Variants in EPHA6 observed in about 807,000 individuals in gnomAD.
EPHA6 encodes EPH receptor A6.
EPHA6 carries 50 observed loss-of-function variants against 112.0 expected under a neutral mutation model. The observed-to-expected ratio is 0.45, with a 90% CI of 0.36 to 0.56. The LOEUF is 0.56. Ranked by LOEUF, EPHA6 falls within the 20% of genes least tolerant of loss-of-function variation. The probability of loss-of-function intolerance (pLI) is 0.00; values close to 1 mark genes in which losing one functional copy is unlikely to be tolerated. For missense variants in EPHA6, 1,280 were observed against 1,417.4 expected (o/e 0.90, Z 1.56); for synonymous variants, 529 against 490.7 (o/e 1.08, Z -1.03).
intron 6 of EPHA6, among the ~76,000 whole-genome samples, chr3:97,425,858 A>G (rs1321270346): frequency 1.3e-5 from 2 of 152,140 alleles, no homozygotes; most frequent in African/African-American, 4.8e-5. Flanking sequence ...TCAGAGCTCC[A>G]CAGATCTCTA....
intron 11 of EPHA6, chr3:97,569,956 C>T (rs2093315137): frequency 6.6e-6 from 1 of 152,156 alleles, no homozygotes; most frequent in African/African-American, 2.4e-5. Flanking sequence ...ATGTAAGTCA[C>T]CATAGTTCTT....
intron 2 of EPHA6, among the ~76,000 whole-genome samples, chr3:96,936,036 AG>A (rs2040564462): frequency 6.6e-6 from 1 of 151,998 alleles, no homozygotes; most frequent in South Asian, 2.1e-4. Context: ...CACTGCTAAA[AG>A]GGGGGAAAAT....
intron 12 of EPHA6, among the ~76,000 whole-genome samples, chr3:97,609,800 G>A (rs962381627): frequency 6.6e-6 from 1 of 151,534 alleles, no homozygotes; most frequent in Non-Finnish European, 1.5e-5. Flanking sequence ...CTTTGTGTTT[G>A]TAAGGAAAAA....
chr3:96,997,668 A>G (rs539304316), intron 3 of EPHA6, among the ~76,000 whole-genome samples: 1 of 152,022 alleles, frequency 6.6e-6, no homozygotes, highest in Non-Finnish European at 1.5e-5. Flanking sequence ...CACCAATCAT[A>G]CAAAAGTAAC....
chr3:97,733,016 C>G (rs535218920), intron 15 of EPHA6, among the ~76,000 whole-genome samples: 1 of 151,890 alleles, frequency 6.6e-6, no homozygotes, highest in Non-Finnish European at 1.5e-5. Context: ...ACAGAGAGGC[C>G]GGGACCACAT....
intron 7 of EPHA6, among the ~76,000 whole-genome samples, chr3:97,465,897 A>G (rs928341202): frequency 7.2e-5 from 11 of 152,030 alleles, no homozygotes; most frequent in Admixed American, 5.9e-4. Flanking sequence ...ATAGGTTTCA[A>G]TTAAGCAAAA....
chr3:97,600,016 C>A (rs1202229211), intron 12 of EPHA6, among the ~76,000 whole-genome samples: 1 of 151,634 alleles, frequency 6.6e-6, no homozygotes, highest in Non-Finnish European at 1.5e-5. Context: ...GTATTTTATT[C>A]TCTTTGAAGC....
intron 5 of EPHA6, among the ~76,000 whole-genome samples, chr3:97,363,171 AATATATAT>A (rs58214738): frequency 3.9e-4 from 20 of 51,444 alleles, no homozygotes; most frequent in East Asian, 1.2e-3. Context: ...TTGCCCCTGC[AATATATAT>A]ATATATATAT....
At chr3:97,588,321 A>G (rs1216048204) in intron 11 of EPHA6, among the ~76,000 whole-genome samples, 1 of 152,206 alleles carries the variant, frequency 6.6e-6, no homozygotes, top group Non-Finnish European at 1.5e-5. Context: ...CACGTCAAAC[A>G]CATATGTGTG....
At chr3:97,395,032 C>G (rs900190235) in intron 5 of EPHA6, among the ~76,000 whole-genome samples, 2 of 151,320 alleles carry the variant, frequency 1.3e-5, no homozygotes, top group African/African-American at 4.8e-5. Flanking sequence ...TTCACAGATT[C>G]TGGGAATTAA....
chr3:97,555,126 T>G (rs1320385603), intron 11 of EPHA6, among the ~76,000 whole-genome samples: 1 of 136,324 alleles, frequency 7.3e-6, no homozygotes, highest in Non-Finnish European at 1.5e-5. Context: ...TTCCCCTTCC[T>G]GTGTCCATGT....
At chr3:97,159,853 C>G (rs2076372457) in intron 3 of EPHA6, among the ~76,000 whole-genome samples, 1 of 152,150 alleles carries the variant, frequency 6.6e-6, no homozygotes, top group Admixed American at 6.5e-5. Context: ...AGAAGTATTG[C>G]ATGTAAGGAA....
chr3:97,471,021 G>A (rs909889164), intron 7 of EPHA6, among the ~76,000 whole-genome samples: 1 of 151,630 alleles, frequency 6.6e-6, no homozygotes, highest in East Asian at 1.9e-4. Flanking sequence ...CTAATGAGAA[G>A]GTTCTGCTCA....
intron 3 of EPHA6, among the ~76,000 whole-genome samples, chr3:97,144,155 T>C (rs774971612): frequency 1.1e-4 from 17 of 151,700 alleles, no homozygotes; most frequent in Non-Finnish European, 2.4e-4. Flanking sequence ...AGTGACTCTA[T>C]TTTGATTTTG....
At chr3:96,912,292 T>TA (rs527585603) in intron 2 of EPHA6, among the ~76,000 whole-genome samples, 84 of 152,206 alleles carry the variant, frequency 5.5e-4, no homozygotes, top group Middle Eastern at 3.4e-3. Context: ...TTGAAGTGAA[T>TA]AAAATGACTG....
At chr3:97,041,554 A>G (rs1032560535) in intron 3 of EPHA6, among the ~76,000 whole-genome samples, 6 of 152,086 alleles carry the variant, frequency 3.9e-5, no homozygotes, top group Non-Finnish European at 4.4e-5. Context: ...CTGTATTTCA[A>G]TCCAGATGTT....
At chr3:97,733,508 C>T (rs547375209) in intron 15 of EPHA6, among the ~76,000 whole-genome samples, 3 of 152,132 alleles carry the variant, frequency 2.0e-5, no homozygotes, top group African/African-American at 7.2e-5. Flanking sequence ...TCTATCAAGA[C>T]AAATCCAAAA....
chr3:97,375,522 A>C (rs1235964878), intron 5 of EPHA6, among the ~76,000 whole-genome samples: 4 of 152,202 alleles, frequency 2.6e-5, no homozygotes, highest in Non-Finnish European at 5.9e-5. Context: ...TTTATGCCAC[A>C]GACAAATTAA....
intron 11 of EPHA6, among the ~76,000 whole-genome samples, chr3:97,591,843 G>T (rs940590795): frequency 2.0e-5 from 3 of 152,094 alleles, no homozygotes; most frequent in Admixed American, 6.6e-5. Context: ...TACCAACCAC[G>T]TGGCAGTGAC....
Sources: gnomAD v4.1 joint callset for allele counts (sites outside exome capture counted in the v4.1 genomes callset) on GRCh38, gnomAD v4.1.1 for gene constraint, MANE v1.5 for transcripts, NCBI Gene and HGNC (gene_info 2026-07-23, HGNC 2026-07-21) for gene names.